The following PDE4D variants were observed in gnomAD, a reference collection of about 807,000 sequenced individuals.
PDE4D encodes phosphodiesterase 4D.
In PDE4D, 24 loss-of-function variants were observed where a neutral mutation model predicts 87.4. The observed-to-expected ratio is 0.27, with a 90% CI of 0.20 to 0.39. The LOEUF is 0.39. Ranked by LOEUF, PDE4D falls within the 10% of genes least tolerant of loss-of-function variation. PDE4D has a pLI of 1.00. For synonymous variants in PDE4D, 384 were observed against 383.2 expected (o/e 1.00, Z -0.02); for missense variants, 714 against 1,041.0 (o/e 0.69, Z 4.32).
chr5:59,619,713 T>C (rs944676775), intron 1 of PDE4D, among the ~76,000 whole-genome samples: 5 of 152,006 alleles, frequency 3.3e-5, no homozygotes, highest in Non-Finnish European at 7.4e-5. Flanking sequence ...GAATAGACTG[T>C]TTTATGCACA....
At chr5:60,469,896 A>T (rs1747686936) in intron 1 of PDE4D, among the ~76,000 whole-genome samples, 1 of 152,212 alleles carries the variant, frequency 6.6e-6, no homozygotes, top group South Asian at 2.1e-4. Flanking sequence ...GCCAATTAAT[A>T]ACCCTACAAT....
At chr5:59,164,414 T>C (rs1402749095) in intron 5 of PDE4D, among the ~76,000 whole-genome samples, 1 of 152,216 alleles carries the variant, frequency 6.6e-6, no homozygotes, top group Non-Finnish European at 1.5e-5. Context: ...TCTTTTTTAG[T>C]TCCTACTATG....
intron 1 of PDE4D, among the ~76,000 whole-genome samples, chr5:60,469,370 G>A (rs1398690863): frequency 1.3e-5 from 2 of 152,020 alleles, no homozygotes; most frequent in African/African-American, 4.8e-5. Flanking sequence ...ATACCCCATA[G>A]GCAACATTCT....
intron 3 of PDE4D, 69 bp from the exon 4 acceptor site, chr5:59,185,331 GT>G (rs2153480529): frequency 8.6e-7 from 1 of 1,168,474 alleles, no homozygotes; most frequent in Non-Finnish European, 1.2e-6. Flanking sequence ...AAAATGGTTT[GT>G]TAAGAGAAAA....
intron 2 of PDE4D, among the ~76,000 whole-genome samples, chr5:59,993,834 C>T (rs1763259184): frequency 1.3e-5 from 2 of 151,884 alleles, no homozygotes; most frequent in African/African-American, 2.4e-5. Flanking sequence ...AAAAGAAATG[C>T]TCACATATTG....
At chr5:59,126,072 C>T (rs1258395276) in intron 5 of PDE4D, among the ~76,000 whole-genome samples, 2 of 122,660 alleles carry the variant, frequency 1.6e-5, no homozygotes, top group African/African-American at 3.1e-5. Context: ...TTTCAGAATC[C>T]TTTATTCTTT....
intron 1 of PDE4D, among the ~76,000 whole-genome samples, chr5:59,449,195 G>T (rs1798783881): frequency 6.6e-6 from 1 of 152,184 alleles, no homozygotes; most frequent in African/African-American, 2.4e-5. Context: ...AGTTACCTGA[G>T]ATCATCCTGC....
chr5:60,161,609 C>T (rs1782481246), intron 2 of PDE4D, among the ~76,000 whole-genome samples: 2 of 152,116 alleles, frequency 1.3e-5, no homozygotes, highest in Non-Finnish European at 2.9e-5. Context: ...AGTAATTTTT[C>T]AGATCTGTGC....
At chr5:60,464,708 G>A (rs542522109) in intron 1 of PDE4D, among the ~76,000 whole-genome samples, 207 of 152,228 alleles carry the variant, frequency 1.4e-3, no homozygotes, top group Non-Finnish European at 2.1e-3. Flanking sequence ...GTGCCTCCTC[G>A]CCAAGAGAGA....
chr5:60,050,391 C>T (rs1769976449), intron 2 of PDE4D, among the ~76,000 whole-genome samples: 1 of 150,020 alleles, frequency 6.7e-6, no homozygotes, highest in African/African-American at 2.4e-5. Context: ...GCTCCTCCCC[C>T]AGGAAAAGAA....
chr5:60,210,882 C>T (rs1390790305), intron 1 of PDE4D, among the ~76,000 whole-genome samples: 1 of 152,054 alleles, frequency 6.6e-6, no homozygotes, highest in Non-Finnish European at 1.5e-5. Flanking sequence ...CTATTTCTAA[C>T]AGCTGCGTTT....
chr5:59,156,112 G>A (rs971917041), intron 5 of PDE4D, among the ~76,000 whole-genome samples: 1 of 151,860 alleles, frequency 6.6e-6, no homozygotes, highest in African/African-American at 2.4e-5. Context: ...AGTGATGTGG[G>A]ATTATTTTTC....
chr5:59,961,532 T>A (rs889596687), intron 3 of PDE4D, among the ~76,000 whole-genome samples: 7 of 152,100 alleles, frequency 4.6e-5, no homozygotes, highest in African/African-American at 1.7e-4. Flanking sequence ...TTTCTGCTGT[T>A]TCGAGCCACC....
At chr5:59,335,229 T>C (rs1397589317) in intron 1 of PDE4D, among the ~76,000 whole-genome samples, 1 of 152,170 alleles carries the variant, frequency 6.6e-6, no homozygotes, top group East Asian at 1.9e-4. Flanking sequence ...ATAGTATAGG[T>C]GCTCAATAAA....
intron 2 of PDE4D, 111 bp from the exon 3 acceptor site, chr5:59,193,647 G>A: frequency 6.5e-7 from 1 of 1,528,034 alleles, no homozygotes; most frequent in Non-Finnish European, 8.8e-7. Flanking sequence ...GAGAATTACA[G>A]TGATTCCATC....
At chr5:60,392,659 T>G (rs1044957216) in intron 1 of PDE4D, among the ~76,000 whole-genome samples, 1 of 152,222 alleles carries the variant, frequency 6.6e-6, no homozygotes, top group African/African-American at 2.4e-5. Flanking sequence ...TCCATGCTGC[T>G]GCTATGTAGC....
At chr5:59,601,421 T>C (rs1316766399) in intron 1 of PDE4D, among the ~76,000 whole-genome samples, 2 of 146,200 alleles carry the variant, frequency 1.4e-5, no homozygotes, top group Non-Finnish European at 3.0e-5. Flanking sequence ...TGGTTTGCTT[T>C]TTTTTTTTTT....
chr5:60,065,008 T>C (rs1771896062), intron 2 of PDE4D, among the ~76,000 whole-genome samples: 4 of 152,184 alleles, frequency 2.6e-5, no homozygotes, highest in Admixed American at 2.6e-4. Flanking sequence ...TATGCTGTAA[T>C]GTAGGACAGA....
At chr5:60,287,857 T>C (rs1438891899) in intron 1 of PDE4D, among the ~76,000 whole-genome samples, 1 of 152,236 alleles carries the variant, frequency 6.6e-6, no homozygotes, top group African/African-American at 2.4e-5. Flanking sequence ...TTGCTATTTG[T>C]GTACATTTGT....
Sources: allele counts gnomAD v4.1 joint callset (sites outside exome capture counted in the v4.1 genomes callset), GRCh38; gene constraint gnomAD v4.1.1; transcripts MANE v1.5; gene names NCBI Gene and HGNC (gene_info 2026-07-23, HGNC 2026-07-21).